Variants in CHD2 observed in about 807,000 individuals in gnomAD.
CHD2 encodes the protein chromodomain helicase DNA binding protein 2.
In CHD2, 28 loss-of-function variants were observed where a neutral mutation model predicts 243.9. The ratio of observed to expected loss-of-function variants is 0.11; its 90% CI spans 0.09 to 0.16. CHD2 has a LOEUF of 0.16. Ranked by LOEUF, CHD2 falls within the 10% of genes least tolerant of loss-of-function variation. The pLI is 1.00. For missense variants in CHD2, 1,386 were observed against 2,209.8 expected, an observed-to-expected ratio of 0.63 and a Z score of 7.47; for synonymous variants, 775 against 779.0, an observed-to-expected ratio of 0.99 and a Z score of 0.09.
chr15:92,906,280 G>A (rs552991399), intron 2 of CHD2, among the ~76,000 whole-genome samples: 6 of 152,072 alleles, frequency 3.9e-5, no homozygotes, highest in African/African-American at 1.4e-4. Flanking sequence ...TATCCTTGCC[G>A]TTTAAAATAT....
At chr15:93,017,365 C>T (rs1735092995) in intron 37 of CHD2, among the ~76,000 whole-genome samples, 6 of 151,934 alleles carry the variant, frequency 3.9e-5, no homozygotes, top group Admixed American at 3.9e-4. Context: ...CTCTGTCACC[C>T]AGGCTGGAGT....
chr15:92,930,441 GT>G (rs777013143), intron 5 of CHD2, among the ~76,000 whole-genome samples: 16 of 151,912 alleles, frequency 1.1e-4, no homozygotes, highest in Non-Finnish European at 2.1e-4. Flanking sequence ...TTTTTGTTTT[GT>G]TTTGTTTTGA....
intron 2 of CHD2, among the ~76,000 whole-genome samples, chr15:92,914,507 A>T (rs1329872146): frequency 6.6e-6 from 1 of 152,224 alleles, no homozygotes; most frequent in African/African-American, 2.4e-5. Context: ...CAGAAGTAGT[A>T]TGCATGATGA....
intron 7 of CHD2, among the ~76,000 whole-genome samples, chr15:92,941,399 A>C (rs1222841982): frequency 6.6e-6 from 1 of 152,248 alleles, no homozygotes; most frequent in Non-Finnish European, 1.5e-5. Context: ...TACAGGGTTG[A>C]CATTTTTAAT....
At chr15:93,023,670 T>G (rs1359112761) in intron 38 of CHD2, among the ~76,000 whole-genome samples, 4 of 140,028 alleles carry the variant, frequency 2.9e-5, no homozygotes, top group Non-Finnish European at 6.2e-5. Context: ...TTTCCTGGGT[T>G]TTTTTTTTGT....
At position 92,998,879 on chromosome 15, in the gene CHD2, T is replaced by C. The variant is rs562641719; in HGVS notation, c.4008+258T>C. The stretch of plus-strand genomic sequence containing the variant: ...CGGGCGGATCACAAGGTCAGGAGAT[T>C]GAGACCATCCTGGCTAATATGGTGA... On this transcript the variant is annotated intron_variant, in intron 31 of 38. Transcript: ENST00000394196. This position sits in a 1 kb window ranked among gnomAD's most constrained non-coding sequence, Gnocchi z 5.1. Among the ~76,000 whole-genome samples the C allele has an allele frequency of 3.3e-5, 5 of 151,884 alleles. No individual in the cohort carries two copies. The East Asian group carries it at 7.8e-4, about 24-fold the overall frequency.
chr15:92,945,844 T>A lies in CHD2; in HGVS notation c.1177T>A (p.Leu393Met), dbSNP rs755565645. 40 of 1,584,764 alleles carry A rather than the reference T, an allele frequency of 2.5e-5. No homozygotes were observed. Among genetic ancestry groups the A allele is most frequent in the Non-Finnish European group, 3.2e-5 (37 of 1,163,496 alleles). The change falls in exon 11 of 39, where the codon TTG (leucine) becomes ATG (methionine). Residue 393 changes from leucine (L) to methionine (M), a missense_variant. By Grantham distance (15) the Leu-to-Met change is conservative. This residue lies in a region of CHD2 where 200 missense variants were observed against 292.5 expected (regional missense o/e 0.68). Transcript: ENST00000394196. Reference protein sequence around the residue: ...VIAVKTSKSTLGQTDFPAHSR... With the variant: ...VIAVKTSKSTMGQTDFPAHSR... ...AGCTGTGAAGACAAGTAAATCTACA[T>A]TGGGTCAAACAGATTTTCCAGGTAA... is the stretch of plus-strand genomic sequence containing the variant.
At chr15:93,004,494 T>A (rs1439807618) in intron 33 of CHD2, 123 bp from the exon 34 acceptor site, 1 of 947,620 alleles carries the variant, frequency 1.1e-6, no homozygotes, top group Non-Finnish European at 1.5e-6. Context: ...TATTTTACTT[T>A]TTAAAAAATA....
At chr15:92,926,947 T>C (rs952687906) in intron 3 of CHD2, among the ~76,000 whole-genome samples, 7 of 151,048 alleles carry the variant, frequency 4.6e-5, no homozygotes, top group Admixed American at 6.7e-5. Flanking sequence ...TTGTCTTTAG[T>C]GGAAGCAGCC....
chr15:92,991,940 A>G (rs1042060750), intron 27 of CHD2, among the ~76,000 whole-genome samples: 1 of 152,234 alleles, frequency 6.6e-6, no homozygotes, highest in Admixed American at 6.5e-5. Flanking sequence ...TTTTATGAGG[A>G]TTAAATACAA....
rs57602473 is a variant in CHD2, at chr15:93,019,334, T to G, written c.4907-678T>G. Reference sequence around the variant, plus strand: ...ATCATTTTCTGAATTAGTTTGGTTTTGTTGTTAAGAGTCTGCCACAGATTG... The same window carrying G: ...ATCATTTTCTGAATTAGTTTGGTTTGGTTGTTAAGAGTCTGCCACAGATTG... On this transcript the variant is annotated intron_variant, in intron 37 of 38. Transcript: ENST00000394196. Among the ~76,000 whole-genome samples the G allele has an allele frequency of 8.4e-3, 1,283 of 152,316 alleles. 59 individuals are homozygous for G. The highest frequency in any genetic ancestry group is 0.072 in the Admixed American group (1,099 of 15,296).
chr15:92,902,582 T>C (rs2052544785), intron 2 of CHD2: 1 of 158,414 alleles, frequency 6.3e-6, no homozygotes, highest in African/African-American at 2.4e-5. Flanking sequence ...CTTTAGAAAA[T>C]AAGTTACCAA....
intron 19 of CHD2, among the ~76,000 whole-genome samples, chr15:92,973,131 A>G (rs1567147777): frequency 1.3e-5 from 2 of 152,112 alleles, no homozygotes; most frequent in African/African-American, 4.8e-5. Context: ...CCAAAAGTTG[A>G]CCCTGGCTGT....
chr15:92,934,423 TA>T (rs1446260788), intron 5 of CHD2, among the ~76,000 whole-genome samples: 1 of 115,374 alleles, frequency 8.7e-6, no homozygotes, highest in Non-Finnish European at 1.9e-5. Context: ...TTACAGTATC[TA>T]GGGGGGACTC....
intron 2 of CHD2, among the ~76,000 whole-genome samples, chr15:92,907,605 T>C (rs990953722): frequency 6.6e-6 from 1 of 152,206 alleles, no homozygotes; most frequent in African/African-American, 2.4e-5. Context: ...GTTCCCAGTT[T>C]AGGCCAGTGA....
intron 7 of CHD2, among the ~76,000 whole-genome samples, chr15:92,940,024 A>G (rs185196775): frequency 6.6e-6 from 1 of 152,326 alleles, no homozygotes; most frequent in East Asian, 1.9e-4. Flanking sequence ...TCCATTAAAG[A>G]TATTTGGATT....
At chr15:92,999,329 T>C (rs1209667541) in intron 31 of CHD2, among the ~76,000 whole-genome samples, 1 of 152,198 alleles carries the variant, frequency 6.6e-6, no homozygotes, top group Non-Finnish European at 1.5e-5. Context: ...CTGTGGTTCT[T>C]GTAATAGTGG....
At chr15:93,022,542 A>G (rs2141758273) in intron 38 of CHD2, among the ~76,000 whole-genome samples, 1 of 152,330 alleles carries the variant, frequency 6.6e-6, no homozygotes, top group South Asian at 2.1e-4. Context: ...TTGTGAGCAC[A>G]GGGCACTGTT....
chr15:92,971,988 C>T, intron 18 of CHD2, 61 bp downstream of exon 18: 1 of 1,501,048 alleles, frequency 6.7e-7, no homozygotes, highest in Non-Finnish European at 9.0e-7. Context: ...AGGTGCTTTT[C>T]ATCAGAATGC....
Sources: gnomAD v4.1 joint callset for allele counts (sites outside exome capture counted in the v4.1 genomes callset) on GRCh38, gnomAD v4.1.1 for gene constraint, gnomAD v4.1.1 regional missense constraint, Gnocchi (gnomAD v3.1) non-coding constraint, MANE v1.5 for transcripts, NCBI Gene and HGNC (gene_info 2026-07-23, HGNC 2026-07-21) for gene names.